CADM3: variants seen among roughly 807,000 people sequenced by gnomAD.
CADM3 encodes TSLC1-like 1.
CADM3 carries 11 observed loss-of-function variants against 44.9 expected under a neutral mutation model. That is an observed-to-expected ratio of 0.25 (90% CI 0.15 to 0.41). The LOEUF is 0.41. Ranked by LOEUF, CADM3 falls within the 10% of genes least tolerant of loss-of-function variation. CADM3 has a pLI of 1.00. For missense variants in CADM3, 426 were observed against 512.0 expected (o/e 0.83, Z 1.62); for synonymous variants, 207 against 205.2 (o/e 1.01, Z -0.08).
Position 159,171,841 on chromosome 1 carries a change from C to T in CADM3, c.76C>T (p.Leu26Phe). 8.0e-7 allele frequency: 1 copy of T among 1,244,736 alleles called. No individual in the cohort carries two copies. The highest frequency in any genetic ancestry group is 1.0e-6 in the Non-Finnish European group (1 of 992,932). 77.1% of individuals were successfully genotyped at this position (1,244,736 alleles called of 1,614,324 possible). A position where few individuals can be genotyped will look rare whatever the true frequency, so the allele number is the denominator to read the frequency against. The part of the protein sequence containing the change: ...ACCWAPGGAN[L>F]SQDDSQPWTS... ...CTGCTGGGCGCCCGGCGGGGCCAACCTCTCCCAGGACGGTGAGTGAGGGAG... is the reference window on the plus strand; with the variant it reads ...CTGCTGGGCGCCCGGCGGGGCCAACTTCTCCCAGGACGGTGAGTGAGGGAG... The change falls in exon 1 of 9, where the codon CTC becomes TTC. Residue 26 changes from leucine to phenylalanine, a missense_variant. Transcript: ENST00000368125.
intron 1 of CADM3, among the ~76,000 whole-genome samples, chr1:159,183,987 T>G (rs2102106615): frequency 6.6e-6 from 1 of 152,276 alleles, no homozygotes; most frequent in African/African-American, 2.4e-5. Context: ...TGCTCTAAAG[T>G]CAAAGCAACT....
intron 6 of CADM3, 144 bp downstream of exon 6, chr1:159,196,598 A>C: frequency 1.4e-6 from 1 of 717,422 alleles, no homozygotes; most frequent in Non-Finnish European, 2.4e-6. Context: ...TCCGCCTGCA[A>C]TTAGTTCTTC....
chr1:159,181,496 T>C (rs1430534351), intron 1 of CADM3, among the ~76,000 whole-genome samples: 1 of 151,464 alleles, frequency 6.6e-6, no homozygotes, highest in Non-Finnish European at 1.5e-5. Context: ...ACAGAATCTG[T>C]GCTCTAGAGG....
At chr1:159,199,920 G>T in intron 8 of CADM3, 44 bp downstream of exon 8, 9 of 1,603,156 alleles carry the variant, frequency 5.6e-6, no homozygotes, top group Non-Finnish European at 7.7e-6. Context: ...GGGAGGGGCA[G>T]GGAGACCAAT....
Position 159,196,944 on chromosome 1 carries a change from C to T in CADM3, c.836C>T (p.Thr279Ile). 6.2e-7 allele frequency: 1 copy of T among 1,614,064 alleles called. No individual in the cohort carries two copies. Among genetic ancestry groups the T allele is most frequent in the Non-Finnish European group, 8.5e-7 (1 of 1,180,004 alleles). ...KEGSVPPLKM[T>I]QESALIFPFL... ...GGCAGTGTGCCACCCCTGAAGATGACCCAGGAGAGTGCCCTGATCTTCCCT... is the reference window on the plus strand; with the variant it reads ...GGCAGTGTGCCACCCCTGAAGATGATCCAGGAGAGTGCCCTGATCTTCCCT... The change falls in exon 7 of 9, where the codon ACC becomes ATC. Residue 279 changes from threonine (T) to isoleucine (I), a missense_variant. By Grantham distance (89) the Thr-to-Ile change is moderately conservative. Around this residue, in one of 2 missense-constraint regions of CADM3, gnomAD observed 362 missense variants for 474.6 expected, o/e 0.76. Transcript: ENST00000368125.
chr1:159,171,870 G>C lies in CADM3; in HGVS notation c.88+17G>C. On this transcript the variant is annotated intron_variant, in intron 1 of 8. Transcript: ENST00000368125. ...CCCAGGACGGTGAGTGAGGGAGGGGGCGGCGCCTGGGGAGGTGGGGAGTGA... is the reference window on the plus strand; with the variant it reads ...CCCAGGACGGTGAGTGAGGGAGGGGCCGGCGCCTGGGGAGGTGGGGAGTGA... The C allele has an allele frequency of 1.6e-6, 2 of 1,234,244 alleles. No individual in the cohort carries two copies. Among genetic ancestry groups the C allele is most frequent in the Non-Finnish European group, 2.0e-6 (2 of 986,410 alleles). 76.5% of individuals were successfully genotyped at this position (1,234,244 alleles called of 1,614,324 possible).
At chr1:159,177,940 C>T (rs1253844000) in intron 1 of CADM3, among the ~76,000 whole-genome samples, 1 of 152,080 alleles carries the variant, frequency 6.6e-6, no homozygotes, top group Non-Finnish European at 1.5e-5. Context: ...CTTTGGTATC[C>T]ATGAAGGATT....
At position 159,199,896 on chromosome 1, in the gene CADM3, C is replaced by T; in HGVS notation, c.1078+20C>T. On this transcript the variant is annotated intron_variant, in intron 8 of 8. Coordinates refer to ENST00000368125, the MANE Select transcript of CADM3 (RefSeq NM_001127173.3). Reference sequence around the variant, plus strand: ...ACAAAGGTCAGAGGCACAAAGAGAGCATCAGCAGAACTTGGGAGGGGCAGG... The same window carrying T: ...ACAAAGGTCAGAGGCACAAAGAGAGTATCAGCAGAACTTGGGAGGGGCAGG... 6.2e-7 allele frequency: 1 copy of T among 1,612,226 alleles called. No individual in the cohort carries two copies. The highest frequency in any genetic ancestry group is 1.3e-5 in the African/African-American group (1 of 74,970).
chr1:159,191,847 G>A (rs1429000247), intron 1 of CADM3, 89 bp from the exon 2 acceptor site: 2 of 1,498,742 alleles, frequency 1.3e-6, no homozygotes, highest in East Asian at 2.3e-5. Flanking sequence ...GGCCTTGGAT[G>A]GTCTGAACTA....
chr1:159,202,894 C>T lies in CADM3; in HGVS notation c.*1972C>T, dbSNP rs1178000271. On this transcript the variant is annotated 3_prime_UTR_variant, in exon 9 of 9. Transcript: ENST00000368125. ...GCCCCAGGCCTGTTGAGCTTCTTGT[C>T]TCCCAGCACCCGCTTTTGGGAAAAT... 3 of 151,658 alleles carry T rather than the reference C, an allele frequency of 2.0e-5. No homozygotes were observed. Among genetic ancestry groups the T allele is most frequent in the South Asian group, 4.2e-4 (2 of 4,790 alleles). 9.4% of individuals were successfully genotyped at this position (151,658 alleles called of 1,614,324 possible).
chr1:159,197,836 G>A (rs2102134931), intron 7 of CADM3: 1 of 152,286 alleles, frequency 6.6e-6, no homozygotes, highest in South Asian at 2.1e-4. Context: ...ACAGTTGAGG[G>A]GATAAGAGCC....
intron 1 of CADM3, among the ~76,000 whole-genome samples, chr1:159,189,054 C>T (rs1016573310): frequency 6.6e-6 from 1 of 151,978 alleles, no homozygotes; most frequent in South Asian, 2.1e-4. Context: ...TTTGAGTAGC[C>T]CATAGAAGGT....
At chr1:159,198,984 T>G (rs912207580) in intron 7 of CADM3, among the ~76,000 whole-genome samples, 1 of 152,076 alleles carries the variant, frequency 6.6e-6, no homozygotes, top group African/African-American at 2.4e-5. Flanking sequence ...GTCCCAGGCC[T>G]CCTCCTTGGG....
chr1:159,174,677 T>C (rs977312008), intron 1 of CADM3, among the ~76,000 whole-genome samples: 18 of 152,190 alleles, frequency 1.2e-4, no homozygotes, highest in Admixed American at 4.6e-4. Context: ...GCCATGAGTG[T>C]TGTGGCTAGA....
At chr1:159,187,644 T>C (rs1649469688) in intron 1 of CADM3, among the ~76,000 whole-genome samples, 3 of 152,338 alleles carry the variant, frequency 2.0e-5, no homozygotes, top group Middle Eastern at 3.4e-3. Flanking sequence ...GTACTCACTG[T>C]GCACTGGATA....
chr1:159,181,425 G>C (rs1196071474), intron 1 of CADM3, among the ~76,000 whole-genome samples: 2 of 152,128 alleles, frequency 1.3e-5, no homozygotes, highest in African/African-American at 4.8e-5. Flanking sequence ...ATGGCTCAGG[G>C]CTGTTATCAT....
chr1:159,192,700 C>G lies in CADM3; in HGVS notation c.352C>G (p.Arg118Gly). ...YTCSIFTMPV[R>G]TAKSLVTVLG... ...CTGCTCAATCTTCACTATGCCTGTG[C>G]GAACTGCCAAGTCCCTCGTCACTGT... Residue 118 changes from arginine to glycine, a missense_variant, in exon 3 of 9, where the codon CGA becomes GGA. This residue lies in a region of CADM3 where 362 missense variants were observed against 474.6 expected (regional missense o/e 0.76). Transcript: ENST00000368125. 4 of 1,613,916 alleles carry G rather than the reference C, an allele frequency of 2.5e-6. No individual in the cohort carries two copies. Among genetic ancestry groups the G allele is most frequent in the Non-Finnish European group, 3.4e-6 (4 of 1,179,970 alleles).
At chr1:159,193,371 T>C in intron 3 of CADM3, 52 bp from the exon 4 acceptor site, 1 of 1,537,626 alleles carries the variant, frequency 6.5e-7, no homozygotes. Flanking sequence ...AGCAGAAGTG[T>C]GACCCCATGG....
intron 1 of CADM3, among the ~76,000 whole-genome samples, chr1:159,182,624 A>C (rs1033602836): frequency 6.6e-6 from 1 of 152,204 alleles, no homozygotes; most frequent in Non-Finnish European, 1.5e-5. Context: ...TTTGGGCAGA[A>C]TTAGGTGCAA....
Sources: gnomAD v4.1 joint callset for allele counts (sites outside exome capture counted in the v4.1 genomes callset) on GRCh38, gnomAD v4.1.1 for gene constraint, gnomAD v4.1.1 regional missense constraint, MANE v1.5 for transcripts, NCBI Gene and HGNC (gene_info 2026-07-23, HGNC 2026-07-21) for gene names.